ODAD1: variants seen among roughly 807,000 people sequenced by gnomAD.
The protein encoded by ODAD1 is outer dynein arm-docking complex subunit 1.
In ODAD1, 49 loss-of-function variants were observed where a neutral mutation model predicts 67.2. The ratio of observed to expected loss-of-function variants is 0.73; its 90% CI spans 0.58 to 0.92. The LOEUF is 0.92. Among genes scored for constraint, ODAD1 ranks in the 40% least tolerant of loss-of-function variants. ODAD1 has a pLI of 0.00. For synonymous variants in ODAD1, 345 were observed against 393.7 expected, an observed-to-expected ratio of 0.88 and a Z score of 1.46; for missense variants, 897 against 953.7, an observed-to-expected ratio of 0.94 and a Z score of 0.78.
At chr19:48,320,466 G>A (rs1382817518) in intron 2 of ODAD1, 75 bp from the exon 3 acceptor site, 9 of 783,514 alleles carry the variant, frequency 1.1e-5, no homozygotes, top group African/African-American at 9.1e-5. Flanking sequence ...AATGAACTGC[G>A]AGGGACTGGG....
intron 12 of ODAD1, among the ~76,000 whole-genome samples, 164 bp downstream of exon 12, chr19:48,302,530 G>C (rs1968492858): frequency 6.6e-6 from 1 of 152,228 alleles, no homozygotes; most frequent in African/African-American, 2.4e-5. Flanking sequence ...ATGGACATGG[G>C]ACAGTTGGAG....
chr19:48,318,561 G>A lies in ODAD1; in HGVS notation c.186C>T (p.Arg62=), dbSNP rs922473709. Residue 62 remains arginine, a synonymous_variant, in exon 5 of 16, where the codon CGC becomes CGT. Coordinates refer to ENST00000674294, the MANE Select transcript of ODAD1 (RefSeq NM_001364171.2). ...GGAGATCGCCCCGTACCTCCTCCAA[G>A]CGCCGGATCTCCTCACTACCCAGGC... ...RINKQLEEIR[R]LEEVRGDLQV... is the part of the protein sequence containing the mutation. 9.7e-6 allele frequency: 15 copies of A among 1,551,194 alleles called. No homozygotes were observed. In the East Asian group the frequency reaches 3.7e-4, roughly 38 times the overall value.
intron 11 of ODAD1, 74 bp from the exon 12 acceptor site, chr19:48,302,936 G>T: frequency 6.2e-7 from 1 of 1,610,552 alleles, no homozygotes; most frequent in Non-Finnish European, 8.5e-7. Context: ...GGAAGAAGCA[G>T]GAGGCAGGCT....
chr19:48,316,209 C>T, intron 5 of ODAD1, among the ~76,000 whole-genome samples: 1 of 151,858 alleles, frequency 6.6e-6, no homozygotes, highest in Non-Finnish European at 1.5e-5. Flanking sequence ...TGAAACCCCC[C>T]ATCTCTACTA....
intron 7 of ODAD1, among the ~76,000 whole-genome samples, chr19:48,306,994 C>T (rs1332784688): frequency 6.6e-6 from 1 of 151,264 alleles, no homozygotes; most frequent in African/African-American, 2.4e-5. Context: ...ACCAGCCTGA[C>T]CAACATGGAG....
Position 48,298,278 on chromosome 19 carries a change from C to G in ODAD1, c.1303G>C (p.Val435Leu). The G allele has an allele frequency of 6.2e-7, 1 of 1,614,188 alleles. No homozygotes were observed. Among genetic ancestry groups the G allele is most frequent in the Non-Finnish European group, 8.5e-7 (1 of 1,180,040 alleles). Reference protein sequence around the residue: ...DSSMIDDLLGVKTSMGDRDMG... With the variant: ...DSSMIDDLLGLKTSMGDRDMG... ...TCCCGGTCTCCCATGCTGGTCTTGA[C>G]CCCAAGGAGGTCATCGATCATGCTG... The change falls in exon 13 of 16, where the codon GTC becomes CTC. Residue 435 changes from valine (V) to leucine (L), a missense_variant. Transcript: ENST00000674294.
chr19:48,302,780 T>C lies in ODAD1; in HGVS notation c.1154A>G (p.Gln385Arg). The C allele has an allele frequency of 6.2e-7, 1 of 1,613,988 alleles. No homozygotes were observed. Among genetic ancestry groups the C allele is most frequent in the Non-Finnish European group, 8.5e-7 (1 of 1,180,024 alleles). The change falls in exon 12 of 16, where the codon CAG becomes CGG. Residue 385 changes from glutamine to arginine, a missense_variant. Gln to Arg is a conservative substitution (Grantham distance 43). Transcript: ENST00000674294. ...CTCCGAGTGCACCTTGTCCATGCGC[T>C]GCTGCAACACCTTCTGCTGCTGCTC... ...LQEQQQKVLQ[Q>R]RMDKVHSEAE...
At chr19:48,303,373 G>T in intron 10 of ODAD1, 1 of 607,142 alleles carries the variant, frequency 1.6e-6, no homozygotes, top group Non-Finnish European at 2.9e-6. Context: ...CGGGGAGAAC[G>T]GTAGATATGG....
chr19:48,318,067 C>T lies in ODAD1; in HGVS notation c.360+320G>A, dbSNP rs371418675. On this transcript the variant is annotated intron_variant, in intron 5 of 15. Transcript: ENST00000674294. ...CAGCCTGGGCGACAGAGCAAGACTC[C>T]GTCTCAAAAACAAAACAAAAGAAAA... is the stretch of plus-strand genomic sequence containing the variant. 4.6e-5 allele frequency among the ~76,000 whole-genome samples: 7 copies of T among 152,166 alleles called. 1 individual carries two copies. The highest frequency in any genetic ancestry group is 1.7e-4 in the African/African-American group (7 of 41,528).
At chr19:48,308,692 T>C (rs1968681028) in intron 7 of ODAD1, among the ~76,000 whole-genome samples, 1 of 151,890 alleles carries the variant, frequency 6.6e-6, no homozygotes, top group South Asian at 2.1e-4. Flanking sequence ...GAGCTCCCCG[T>C]GTGCAGCTGC....
At chr19:48,297,738 T>C in intron 14 of ODAD1, 70 bp from the exon 15 acceptor site, 3 of 1,273,646 alleles carry the variant, frequency 2.4e-6, no homozygotes, top group Non-Finnish European at 3.2e-6. Flanking sequence ...CCCTTCCTGC[T>C]AAACCCCGGG....
chr19:48,320,523 A>ACCCCTCTTG, intron 2 of ODAD1, 132 bp from the exon 3 acceptor site: 1 of 339,910 alleles, frequency 2.9e-6, no homozygotes, highest in South Asian at 2.5e-5. Context: ...CATTCCTCCA[A>ACCCCTCTTG]GAGGGGTTGG....
intron 2 of ODAD1, 79 bp from the exon 3 acceptor site, chr19:48,320,470 G>T: frequency 1.3e-6 from 1 of 767,832 alleles, no homozygotes; most frequent in Non-Finnish European, 1.8e-6. Flanking sequence ...AACTGCGAGG[G>T]ACTGGGAATT....
chr19:48,312,416 T>G (rs887501836), intron 5 of ODAD1, among the ~76,000 whole-genome samples: 5 of 139,504 alleles, frequency 3.6e-5, no homozygotes, highest in South Asian at 4.9e-4. Flanking sequence ...TTTTTTGTTT[T>G]TTTTTTTTTT....
intron 12 of ODAD1, among the ~76,000 whole-genome samples, chr19:48,300,246 T>C (rs1375753900): frequency 6.6e-6 from 1 of 152,176 alleles, no homozygotes; most frequent in South Asian, 2.1e-4. Context: ...GAGGTTGCAG[T>C]GAGCCGAGAT....
At chr19:48,305,386 A>G (rs180961782) in intron 8 of ODAD1, among the ~76,000 whole-genome samples, 10 of 150,684 alleles carry the variant, frequency 6.6e-5, no homozygotes, top group East Asian at 5.9e-4. Context: ...GCTGCACTAT[A>G]TATGTGCTAG....
chr19:48,316,740 G>A (rs1279384419), intron 5 of ODAD1, among the ~76,000 whole-genome samples: 2 of 152,156 alleles, frequency 1.3e-5, no homozygotes, highest in Non-Finnish European at 2.9e-5. Flanking sequence ...GCTCACGCTT[G>A]TAACCCCAGC....
chr19:48,297,241 G>A lies in ODAD1; in HGVS notation c.1859C>T (p.Thr620Ile). 1 of 1,614,146 alleles carries A rather than the reference G, an allele frequency of 6.2e-7. No individual in the cohort carries two copies. The highest frequency in any genetic ancestry group is 8.5e-7 in the Non-Finnish European group (1 of 1,180,028). Reference protein sequence around the residue: ...PSHITHGDPNTGHVTFGSTSA... With the variant: ...PSHITHGDPNIGHVTFGSTSA... ...GGTGGAGCCGAAGGTCACGTGGCCAGTGTTGGGGTCACCGTGCGTGATGTG... is the reference window on the plus strand; with the variant it reads ...GGTGGAGCCGAAGGTCACGTGGCCAATGTTGGGGTCACCGTGCGTGATGTG... The change falls in exon 16 of 16, where the codon ACT becomes ATT. Residue 620 changes from threonine (T) to isoleucine (I), a missense_variant. By Grantham distance (89) the Thr-to-Ile change is moderately conservative. Coordinates refer to ENST00000674294, the MANE Select transcript of ODAD1 (RefSeq NM_001364171.2).
rs548035108 is a variant in ODAD1 at position 48,297,174 on chromosome 19, G to A, written c.1926C>T (p.Ser642=). 14 of 1,614,130 alleles carry A rather than the reference G, an allele frequency of 8.7e-6. No homozygotes were observed. The highest frequency in any genetic ancestry group is 2.7e-5 in the African/African-American group (2 of 75,070). The change falls in exon 16 of 16, where the codon AGC becomes AGT. Residue 642 remains serine (S), a synonymous_variant. Coordinates refer to ENST00000674294, the MANE Select transcript of ODAD1 (RefSeq NM_001364171.2). ...CAGTGGAGCCCAGGTAGCTGCTGGC[G>A]CTGACGGGTCTGAAGGTCACGTGGC... ...SGGHVTFRPV[S]ASSYLGSTGY...
Sources: allele counts gnomAD v4.1 joint callset (sites outside exome capture counted in the v4.1 genomes callset), GRCh38; gene constraint gnomAD v4.1.1; transcripts MANE v1.5; gene names NCBI Gene and HGNC (gene_info 2026-07-23, HGNC 2026-07-21).